Variants in GRIN2B observed in about 807,000 individuals in gnomAD.
The protein encoded by GRIN2B is glutamate ionotropic receptor NMDA type subunit 2B, also known as glutamate receptor ionotropic, NMDA 2B.
GRIN2B carries 5 observed loss-of-function variants against 114.5 expected under a neutral mutation model. That is an observed-to-expected ratio of 0.04 (90% confidence interval 0.02 to 0.09). GRIN2B has a LOEUF of 0.09. Among genes scored for constraint, GRIN2B ranks in the 10% least tolerant of loss-of-function variants. The pLI is 1.00. For missense variants in GRIN2B, 1,108 were observed against 1,943.5 expected (o/e 0.57, Z 8.08); for synonymous variants, 787 against 745.1 (o/e 1.06, Z -0.92).
chr12:13,833,496 C>G (rs930436865), intron 3 of GRIN2B, among the ~76,000 whole-genome samples: 2 of 152,186 alleles, frequency 1.3e-5, no homozygotes, highest in African/African-American at 4.8e-5. Context: ...TGTTCTGTTA[C>G]AAATTCAGGT....
intron 2 of GRIN2B, among the ~76,000 whole-genome samples, chr12:13,866,948 C>G (rs1223510646): frequency 6.6e-6 from 1 of 152,174 alleles, no homozygotes; most frequent in African/African-American, 2.4e-5. Flanking sequence ...GCTAAGTGTT[C>G]TAAGACCATG....
intron 10 of GRIN2B, among the ~76,000 whole-genome samples, chr12:13,603,915 C>T (rs945628768): frequency 6.6e-6 from 1 of 151,898 alleles, no homozygotes; most frequent in African/African-American, 2.4e-5. Context: ...TCTCGGTGTT[C>T]CTATTTGTAA....
chr12:13,981,151 C>T (rs1009109760), intron 1 of GRIN2B, among the ~76,000 whole-genome samples, 191 bp downstream of exon 1: 12 of 115,644 alleles, frequency 1.0e-4, no homozygotes, highest in Admixed American at 4.2e-4. Flanking sequence ...TCACAGCACC[C>T]CCTCCCCCAC....
At position 13,552,178 on chromosome 12, in the gene GRIN2B, C is replaced by T. The variant is rs1948421165; in HGVS notation, c.*10605G>A. 6.6e-6 allele frequency: 1 copy of T among 152,188 alleles called. No individual in the cohort carries two copies. The highest frequency in any genetic ancestry group is 2.1e-4 in the South Asian group (1 of 4,828). The allele number at this position is 152,188 out of a possible 1,614,324, so 9.4% of individuals were successfully genotyped here. A position where few individuals can be genotyped will look rare whatever the true frequency, so the allele number is the denominator to read the frequency against. ...TGGGTAAGGGTGGTGTGATAAGTCA[C>T]TCCCTCTGCCCAGGGTGATGATCAA... is the stretch of plus-strand genomic sequence containing the variant. On this transcript the variant is annotated 3_prime_UTR_variant, in exon 14 of 14. Transcript: ENST00000609686.
intron 4 of GRIN2B, among the ~76,000 whole-genome samples, chr12:13,705,237 C>T (rs534125976): frequency 2.0e-5 from 3 of 152,138 alleles, no homozygotes; most frequent in Non-Finnish European, 4.4e-5. Flanking sequence ...CTAACTTCTC[C>T]ATAAACCACA....
chr12:13,939,543 CT>C (rs59671145), intron 2 of GRIN2B, among the ~76,000 whole-genome samples: 1,774 of 88,034 alleles, frequency 0.02, 11 homozygotes, highest in African/African-American at 0.032. Context: ...CTGCACCGTG[CT>C]TTTTTTTTTT....
intron 3 of GRIN2B, among the ~76,000 whole-genome samples, chr12:13,831,753 T>A (rs1361684596): frequency 6.6e-6 from 1 of 152,196 alleles, no homozygotes; most frequent in Non-Finnish European, 1.5e-5. Context: ...TGAAAGGTTT[T>A]TAGTCTCTTT....
intron 2 of GRIN2B, among the ~76,000 whole-genome samples, chr12:13,878,949 T>C (rs943186836): frequency 6.6e-6 from 1 of 152,236 alleles, no homozygotes; most frequent in Non-Finnish European, 1.5e-5. Flanking sequence ...AATGTGGTCA[T>C]TAAATGGGAC....
At chr12:13,596,632 G>C (rs1284442222) in intron 10 of GRIN2B, among the ~76,000 whole-genome samples, 2 of 152,222 alleles carry the variant, frequency 1.3e-5, no homozygotes, top group African/African-American at 4.8e-5. Flanking sequence ...CTGCCTAGCA[G>C]AGAGAAAACA....
At chr12:13,770,708 C>G (rs1294526548) in intron 3 of GRIN2B, among the ~76,000 whole-genome samples, 2 of 152,136 alleles carry the variant, frequency 1.3e-5, no homozygotes, top group Non-Finnish European at 2.9e-5. Context: ...TGTTGTTCCC[C>G]TCCCTGTGTC....
chr12:13,911,808 C>G (rs191749947), intron 2 of GRIN2B, among the ~76,000 whole-genome samples: 133 of 152,284 alleles, frequency 8.7e-4, no homozygotes, highest in Non-Finnish European at 1.2e-3. Flanking sequence ...TCACTTCGGT[C>G]TCTTTCATTC....
At chr12:13,764,326 C>T (rs1863736985) in intron 3 of GRIN2B, among the ~76,000 whole-genome samples, 1 of 152,212 alleles carries the variant, frequency 6.6e-6, no homozygotes, top group Non-Finnish European at 1.5e-5. Flanking sequence ...TTCCTGGAGC[C>T]CATCTTGTCC....
chr12:13,945,033 C>T (rs1478663530), intron 2 of GRIN2B, among the ~76,000 whole-genome samples: 2 of 152,134 alleles, frequency 1.3e-5, no homozygotes, highest in Non-Finnish European at 2.9e-5. Context: ...CAGATGGCTA[C>T]AGCTAGAAAA....
At chr12:13,623,842 G>A (rs1031572835) in intron 5 of GRIN2B, among the ~76,000 whole-genome samples, 1 of 152,138 alleles carries the variant, frequency 6.6e-6, no homozygotes, top group African/African-American at 2.4e-5. Context: ...TACCTAACTT[G>A]TAAAACAATC....
intron 5 of GRIN2B, among the ~76,000 whole-genome samples, chr12:13,656,514 C>T (rs1949865334): frequency 6.6e-6 from 1 of 152,194 alleles, no homozygotes; most frequent in East Asian, 1.9e-4. Flanking sequence ...AGGTCTTTCT[C>T]TGATCGCTGG....
intron 2 of GRIN2B, among the ~76,000 whole-genome samples, chr12:13,930,960 G>A (rs1186443072): frequency 6.6e-6 from 1 of 152,132 alleles, no homozygotes; most frequent in Non-Finnish European, 1.5e-5. Flanking sequence ...TCAAAAAAAA[G>A]CAATGCAACC....
chr12:13,822,427 T>C (rs1048829689), intron 3 of GRIN2B, among the ~76,000 whole-genome samples: 2 of 152,034 alleles, frequency 1.3e-5, no homozygotes, highest in African/African-American at 2.4e-5. Flanking sequence ...GTTAGAAGTA[T>C]AAAAAACAGT....
At chr12:13,773,014 T>C (rs951757793) in intron 3 of GRIN2B, among the ~76,000 whole-genome samples, 4 of 152,110 alleles carry the variant, frequency 2.6e-5, no homozygotes, top group African/African-American at 9.7e-5. Context: ...TGGGTGGATT[T>C]CACACTCCAA....
At chr12:13,614,081 AGT>A (rs1002058571) in intron 8 of GRIN2B, among the ~76,000 whole-genome samples, 2 of 151,842 alleles carry the variant, frequency 1.3e-5, no homozygotes, top group Non-Finnish European at 2.9e-5. Context: ...TACTGGATAC[AGT>A]GTGTACTATC....
Sources: allele counts gnomAD v4.1 joint callset (sites outside exome capture counted in the v4.1 genomes callset), GRCh38; gene constraint gnomAD v4.1.1; transcripts MANE v1.5; gene names NCBI Gene and HGNC (gene_info 2026-07-23, HGNC 2026-07-21).